CAMSAP1: variants seen among roughly 807,000 people sequenced by gnomAD.
CAMSAP1 encodes calmodulin-regulated spectrin-associated protein 1.
Under a neutral mutation model 143.5 loss-of-function variants are expected in CAMSAP1, and 58 were observed. The ratio of observed to expected loss-of-function variants is 0.40; its 90% CI spans 0.33 to 0.50. The LOEUF is 0.50. Ranked by LOEUF, CAMSAP1 falls within the 20% of genes least tolerant of loss-of-function variation. The pLI, the probability that CAMSAP1 is intolerant of heterozygous loss-of-function variation, is 0.45. For synonymous variants in CAMSAP1, 945 were observed against 859.3 expected (o/e 1.10, Z -1.74); for missense variants, 1,969 against 2,115.7 (o/e 0.93, Z 1.36).
intron 7 of CAMSAP1, among the ~76,000 whole-genome samples, chr9:135,845,849 G>A (rs1202134443): frequency 6.6e-6 from 1 of 152,056 alleles, no homozygotes; most frequent in African/African-American, 2.4e-5. Context: ...ACAAACCACT[G>A]CTCAAAGAAA....
chr9:135,869,685 A>G (rs28814064), intron 3 of CAMSAP1, among the ~76,000 whole-genome samples: 2,508 of 152,318 alleles, frequency 0.016, 63 homozygotes, highest in African/African-American at 0.055. Context: ...CACCCCAGGT[A>G]CATACCCAAG....
intron 1 of CAMSAP1, among the ~76,000 whole-genome samples, chr9:135,900,552 G>A (rs372417541): frequency 1.8e-3 from 270 of 151,778 alleles, no homozygotes; most frequent in African/African-American, 4.6e-3. Context: ...AAAATTAGCC[G>A]GGCGTTGTGG....
chr9:135,852,594 G>A (rs1022845521), intron 5 of CAMSAP1, among the ~76,000 whole-genome samples: 1 of 152,144 alleles, frequency 6.6e-6, no homozygotes, highest in Admixed American at 6.5e-5. Context: ...CTCCCTCGGT[G>A]AGGCCACCCC....
At chr9:135,850,908 C>T (rs916851980) in intron 5 of CAMSAP1, among the ~76,000 whole-genome samples, 63 of 152,244 alleles carry the variant, frequency 4.1e-4, no homozygotes, top group African/African-American at 1.5e-3. Flanking sequence ...CTCATCCACG[C>T]CCACTCAGTG....
At chr9:135,839,221 G>A (rs1409327562) in intron 7 of CAMSAP1, among the ~76,000 whole-genome samples, 1 of 152,182 alleles carries the variant, frequency 6.6e-6, no homozygotes, top group Non-Finnish European at 1.5e-5. Flanking sequence ...TGCTGATGCA[G>A]AGTGTATGAG....
Position 135,829,340 on chromosome 9 carries a change from GA to G in CAMSAP1, c.1046-1757del, listed in dbSNP as rs58931804. 5.0e-3 allele frequency among the ~76,000 whole-genome samples: 677 copies of G among 134,120 alleles called. 1 individual carries two copies. The highest frequency in any genetic ancestry group is 7.8e-3 in the Middle Eastern group (2 of 256). The allele number at this position is 134,120 out of a possible 152,430, so 88.0% of individuals were successfully genotyped here. ...AACACAGCAAGACCTCATCTCTACT[GA>G]AAAAAAAAAAAAAATTAAAGTAGCT... On this transcript the variant is annotated intron_variant, in intron 7 of 16. Coordinates refer to ENST00000389532, the MANE Select transcript of CAMSAP1 (RefSeq NM_015447.4).
intron 7 of CAMSAP1, among the ~76,000 whole-genome samples, chr9:135,835,994 AAAC>A (rs1836018999): frequency 6.6e-6 from 1 of 152,156 alleles, no homozygotes; most frequent in Admixed American, 6.5e-5. Context: ...CAAAAAACAA[AAAC>A]AACAAAAAAA....
At chr9:135,819,455 T>C (rs945000864) in intron 11 of CAMSAP1, among the ~76,000 whole-genome samples, 2 of 152,118 alleles carry the variant, frequency 1.3e-5, no homozygotes, top group Non-Finnish European at 1.5e-5. Flanking sequence ...TCCCAGCACT[T>C]TGGGAGGCTG....
chr9:135,849,117 T>C (rs1450600141), intron 7 of CAMSAP1, among the ~76,000 whole-genome samples: 1 of 152,180 alleles, frequency 6.6e-6, no homozygotes, highest in Non-Finnish European at 1.5e-5. Flanking sequence ...TATCAGTAAG[T>C]AGAAAACACA....
Position 135,823,205 on chromosome 9 carries a change from C to T in CAMSAP1, c.1456G>A (p.Asp486Asn). Residue 486 changes from aspartate (D) to asparagine (N), a missense_variant, in exon 11 of 17, where the codon GAT becomes AAT. Asp to Asn is a conservative substitution (Grantham distance 23, BLOSUM62 1). This residue lies in a region of CAMSAP1 where 1,390 missense variants were observed against 1,420.8 expected (regional missense o/e 0.98). Transcript: ENST00000389532. ...ALHHAASCEV[D>N]PSSGDSISLA... ...CTGATGCTGTCGCCAGAGCTGGGAT[C>T]CACTTCACAACTCGCAGCGTGATGT... 1 of 1,585,960 alleles carries T rather than the reference C, an allele frequency of 6.3e-7. No individual in the cohort carries two copies. Among genetic ancestry groups the T allele is most frequent in the Non-Finnish European group, 8.6e-7 (1 of 1,164,754 alleles).
chr9:135,890,105 C>T (rs993294123), intron 1 of CAMSAP1, among the ~76,000 whole-genome samples: 2 of 152,082 alleles, frequency 1.3e-5, no homozygotes, highest in Non-Finnish European at 2.9e-5. Context: ...AGTAAGCCCC[C>T]GTGGCAGACA....
rs936226380 is a variant in CAMSAP1, at chr9:135,818,155, C to T, written c.4169-76G>A. ...AGTACCTGTCCCCTGTACCTGTTCC[C>T]CTCACCTCGCCCTGCAGAGCTCGGC... On this transcript the variant is annotated intron_variant, in intron 13 of 16. Coordinates refer to ENST00000389532, the MANE Select transcript of CAMSAP1 (RefSeq NM_015447.4). The surrounding 1 kb of genome is among the most constrained non-coding windows in gnomAD (Gnocchi z 7.7). The T allele has an allele frequency of 2.1e-6, 3 of 1,441,108 alleles. No individual in the cohort carries two copies. The African/African-American group carries it at 4.2e-5, about 20-fold the overall frequency. 89.3% of individuals were successfully genotyped at this position (1,441,108 alleles called of 1,614,324 possible).
intron 5 of CAMSAP1, among the ~76,000 whole-genome samples, chr9:135,852,818 A>C (rs1836827178): frequency 6.6e-6 from 1 of 152,220 alleles, no homozygotes; most frequent in Non-Finnish European, 1.5e-5. Flanking sequence ...AACAAAATAA[A>C]TAATGAAAGT....
rs368289848 is a variant in CAMSAP1, at chr9:135,835,455, G to A, written c.1046-7871C>T. On this transcript the variant is annotated intron_variant, in intron 7 of 16. Transcript: ENST00000389532. ...ACCAGGTGGCCTTAGTGATTATGGT[G>A]AATGGCAAGGCTGGAGGGGCGGCCA... 2.8e-4 allele frequency among the ~76,000 whole-genome samples: 42 copies of A among 152,348 alleles called. No individual in the cohort carries two copies. The East Asian group carries it at 3.3e-3, about 12-fold the overall frequency.
At chr9:135,836,456 G>T (rs1019118234) in intron 7 of CAMSAP1, 2 of 976,256 alleles carry the variant, frequency 2.0e-6, no homozygotes, top group Admixed American at 1.3e-4. Context: ...CTGTTCTACA[G>T]ACACGTCACC....
At chr9:135,880,030 A>G (rs181343417) in intron 3 of CAMSAP1, among the ~76,000 whole-genome samples, 1 of 152,276 alleles carries the variant, frequency 6.6e-6, no homozygotes, top group East Asian at 1.9e-4. Flanking sequence ...TTCATAGGTG[A>G]TAAGATTACG....
Position 135,818,338 on chromosome 9 carries a change from T to A in CAMSAP1, c.4168+70A>T, listed in dbSNP as rs1229936948. 2 of 1,454,422 alleles carry A rather than the reference T, an allele frequency of 1.4e-6. No homozygotes were observed. Among genetic ancestry groups the A allele is most frequent in the Non-Finnish European group, 1.8e-6 (2 of 1,088,466 alleles). The allele number at this position is 1,454,422 out of a possible 1,614,324, so 90.1% of individuals were successfully genotyped here. A position where few individuals can be genotyped will look rare whatever the true frequency, so the allele number is the denominator to read the frequency against. ...ACCACTCTTGATGACAAAATTGAAA[T>A]GAGCTGAAGAACGTGAGGCCGCCGC... On this transcript the variant is annotated intron_variant, in intron 13 of 16. Coordinates refer to ENST00000389532, the MANE Select transcript of CAMSAP1 (RefSeq NM_015447.4). The surrounding 1 kb of genome is among the most constrained non-coding windows in gnomAD (Gnocchi z 7.7).
intron 5 of CAMSAP1, among the ~76,000 whole-genome samples, chr9:135,860,795 T>C (rs2130928891): frequency 6.6e-6 from 1 of 152,260 alleles, no homozygotes; most frequent in African/African-American, 2.4e-5. Flanking sequence ...CTGCTTTCCC[T>C]GCGTGGTTTC....
In CAMSAP1 at chr9:135,882,687, G is replaced by T; in HGVS notation, c.423+129C>A. ...ATGCAGTTTCCTAAGGAACGCCAGT[G>T]TGCAAAAGCACGGGTCTCCACCACC... is the stretch of plus-strand genomic sequence containing the variant. On this transcript the variant is annotated intron_variant, in intron 2 of 16. Coordinates refer to ENST00000389532, the MANE Select transcript of CAMSAP1 (RefSeq NM_015447.4). This position sits in a 1 kb window ranked among gnomAD's most constrained non-coding sequence, Gnocchi z 4.9. The T allele has an allele frequency of 9.3e-7, 1 of 1,075,138 alleles. No individual in the cohort carries two copies. The highest frequency in any genetic ancestry group is 1.3e-6 in the Non-Finnish European group (1 of 766,202). The allele number at this position is 1,075,138 out of a possible 1,614,324, so 66.6% of individuals were successfully genotyped here.
Sources: allele counts gnomAD v4.1 joint callset (sites outside exome capture counted in the v4.1 genomes callset), GRCh38; gene constraint gnomAD v4.1.1; regional missense constraint gnomAD v4.1.1; non-coding constraint Gnocchi (gnomAD v3.1); transcripts MANE v1.5; gene names NCBI Gene and HGNC (gene_info 2026-07-23, HGNC 2026-07-21).